HNRNPD: variants seen among roughly 807,000 people sequenced by gnomAD.
HNRNPD encodes heterogeneous nuclear ribonucleoprotein D, also known as heterogeneous nuclear ribonucleoprotein D0.
In HNRNPD, 3 loss-of-function variants were observed where a neutral mutation model predicts 47.9. The observed-to-expected ratio is 0.06, with a 90% confidence interval of 0.03 to 0.16. The LOEUF is 0.16. HNRNPD is among the 10% of genes least tolerant of loss of function. The probability of loss-of-function intolerance (pLI) is 1.00; values close to 1 mark genes in which losing one functional copy is unlikely to be tolerated. For missense variants in HNRNPD, 287 were observed against 454.2 expected (o/e 0.63, Z 3.35); for synonymous variants, 171 against 165.1 (o/e 1.04, Z -0.28).
chr4:82,355,541 T>C (rs1723679356), intron 7 of HNRNPD, 140 bp from the exon 8 acceptor site: 1 of 641,014 alleles, frequency 1.6e-6, no homozygotes, highest in Middle Eastern at 3.9e-4. Flanking sequence ...AGCAATCATT[T>C]ATCAAATAAT....
At chr4:82,362,373 G>A (rs1043392988) in intron 2 of HNRNPD, among the ~76,000 whole-genome samples, 28 of 152,190 alleles carry the variant, frequency 1.8e-4, no homozygotes, top group African/African-American at 6.7e-4. Context: ...GCACCTAAGT[G>A]GCTCGTCTTT....
intron 2 of HNRNPD, among the ~76,000 whole-genome samples, chr4:82,361,390 A>T (rs28504223): frequency 0.3 from 45,907 of 152,052 alleles, 8,052 homozygotes; most frequent in African/African-American, 0.49. Flanking sequence ...TGCTAAGATG[A>T]CCATAAGTTC....
chr4:82,368,179 A>C (rs966429921), intron 2 of HNRNPD, among the ~76,000 whole-genome samples: 5 of 152,204 alleles, frequency 3.3e-5, no homozygotes, highest in African/African-American at 1.2e-4. Flanking sequence ...AAATGCTTTC[A>C]AGCATGGTAT....
Position 82,372,035 on chromosome 4 carries a change from T to C in HNRNPD, c.234-451A>G, listed in dbSNP as rs1720070456. On this transcript the variant is annotated intron_variant, in intron 1 of 8. Coordinates refer to ENST00000313899, the MANE Select transcript of HNRNPD (RefSeq NM_031370.3). ...TCCAAAGTGCTTCTCCCCTCCCAAC[T>C]TTCCCTCCAAATCCTGGGCTCTTTC... Among the ~76,000 whole-genome samples, 3 of 152,084 alleles carry C rather than the reference T, an allele frequency of 2.0e-5. 1 individual carries two copies. In the South Asian group the frequency reaches 6.2e-4, roughly 32 times the overall value.
chr4:82,370,377 C>CA (rs763060621), intron 2 of HNRNPD, among the ~76,000 whole-genome samples: 2 of 152,180 alleles, frequency 1.3e-5, no homozygotes, highest in Non-Finnish European at 2.9e-5. Flanking sequence ...GAAACAATTA[C>CA]ATGAGACTCA....
intron 2 of HNRNPD, among the ~76,000 whole-genome samples, chr4:82,370,315 G>A (rs542743766): frequency 5.9e-5 from 9 of 152,270 alleles, no homozygotes; most frequent in Admixed American, 2.0e-4. Flanking sequence ...TTACTTCGAA[G>A]AGTCAAAACA....
chr4:82,373,315 G>A (rs1412637414), intron 1 of HNRNPD, 131 bp downstream of exon 1: 3 of 1,222,758 alleles, frequency 2.5e-6, no homozygotes, highest in East Asian at 2.6e-5. Context: ...GAAAAAGGGA[G>A]ACCAGTGCAA....
In HNRNPD at chr4:82,373,458, T is replaced by C; in HGVS notation, c.221A>G (p.Glu74Gly). The C allele has an allele frequency of 6.4e-7, 1 of 1,572,042 alleles. No homozygotes were observed. The highest frequency in any genetic ancestry group is 8.6e-7 in the Non-Finnish European group (1 of 1,157,352). Reference protein sequence around the residue: ...EGAKIDASKNEEDEGHSNSSP... With the variant: ...EGAKIDASKNGEDEGHSNSSP... ...GCCCCTTACTCACCCTTCATCCTCC[T>C]CGTTCTTACTGGCGTCAATCTTCGC... is the stretch of plus-strand genomic sequence containing the variant. The change falls in exon 1 of 9, where the codon GAG becomes GGG. Residue 74 changes from glutamate to glycine, a missense_variant. Coordinates refer to ENST00000313899, the MANE Select transcript of HNRNPD (RefSeq NM_031370.3).
chr4:82,371,409 T>C (rs940044236), intron 2 of HNRNPD, 119 bp downstream of exon 2: 1 of 720,220 alleles, frequency 1.4e-6, no homozygotes, highest in Non-Finnish European at 2.3e-6. Context: ...ACAAACCTAC[T>C]GTATGTACTA....
At chr4:82,356,292 T>C in intron 7 of HNRNPD, 1 of 401,238 alleles carries the variant, frequency 2.5e-6, no homozygotes, top group Non-Finnish European at 4.4e-6. Flanking sequence ...TTAAAATTTT[T>C]AAATCCAAGT....
Position 82,373,888 on chromosome 4 carries a change from C to A in HNRNPD, c.-210G>T. ...TCCCACTCTCGCGCGGCGCACACTC[C>A]CGCTCTCTCCCGCTGCACTAAAAAA... On this transcript the variant is annotated 5_prime_UTR_variant, in exon 1 of 9. Coordinates refer to ENST00000313899, the MANE Select transcript of HNRNPD (RefSeq NM_031370.3). 1 of 1,122,104 alleles carries A rather than the reference C, an allele frequency of 8.9e-7. No individual in the cohort carries two copies. Among genetic ancestry groups the A allele is most frequent in the Non-Finnish European group, 1.2e-6 (1 of 830,560 alleles). The allele number at this position is 1,122,104 out of a possible 1,614,324, so 69.5% of individuals were successfully genotyped here.
intron 2 of HNRNPD, among the ~76,000 whole-genome samples, chr4:82,366,762 T>C (rs1719780089): frequency 6.6e-6 from 1 of 151,780 alleles, no homozygotes; most frequent in East Asian, 1.9e-4. Context: ...GGTTTCGCCA[T>C]GTTGGCCAGG....
chr4:82,357,503 A>C (rs983901541), intron 4 of HNRNPD, 59 bp from the exon 5 acceptor site: 2 of 1,464,864 alleles, frequency 1.4e-6, no homozygotes, highest in Non-Finnish European at 1.8e-6. Flanking sequence ...CTTAAAAGAA[A>C]CACAAGTTTA....
intron 4 of HNRNPD, chr4:82,357,973 C>T (rs1723794026): frequency 6.6e-6 from 1 of 152,274 alleles, no homozygotes. Context: ...AAATCCTCAA[C>T]ACTAAAAAAG....
chr4:82,364,559 TAAAAGG>T (rs1304363245), intron 2 of HNRNPD, among the ~76,000 whole-genome samples: 8 of 152,290 alleles, frequency 5.3e-5, no homozygotes. Flanking sequence ...TTTCCAACAT[TAAAAGG>T]AAAAGGCCAC....
chr4:82,361,164 TA>T (rs1361995022), intron 2 of HNRNPD, among the ~76,000 whole-genome samples: 1 of 152,234 alleles, frequency 6.6e-6, no homozygotes, highest in African/African-American at 2.4e-5. Flanking sequence ...AAATTTGAGT[TA>T]TTTTCTCAAT....
In HNRNPD at chr4:82,367,250, G is replaced by A. The variant is rs1394616629; in HGVS notation, c.290+4278C>T. On this transcript the variant is annotated intron_variant, in intron 2 of 8. Coordinates refer to ENST00000313899, the MANE Select transcript of HNRNPD (RefSeq NM_031370.3). ...TCTTGTATGTTTACGTTTTAAATAA[G>A]CTCTCAATCAGCTTTGTAAGGTAAA... Among the ~76,000 whole-genome samples, 3 of 151,930 alleles carry A rather than the reference G, an allele frequency of 2.0e-5. No homozygotes were observed. The East Asian group carries it at 5.8e-4, about 29-fold the overall frequency.
chr4:82,357,489 T>C, intron 4 of HNRNPD, 45 bp from the exon 5 acceptor site: 1 of 1,541,638 alleles, frequency 6.5e-7, no homozygotes, highest in African/African-American at 1.4e-5. Context: ...TGCATTTTAT[T>C]GACCTTAAAA....
At chr4:82,371,723 T>C in intron 1 of HNRNPD, 139 bp from the exon 2 acceptor site, 2 of 604,376 alleles carry the variant, frequency 3.3e-6, no homozygotes, top group Non-Finnish European at 5.9e-6. Flanking sequence ...ATTTGAATTA[T>C]CAGGGCTAAC....
Sources: gnomAD v4.1 joint callset for allele counts (sites outside exome capture counted in the v4.1 genomes callset) on GRCh38, gnomAD v4.1.1 for gene constraint, MANE v1.5 for transcripts, NCBI Gene and HGNC (gene_info 2026-07-23, HGNC 2026-07-21) for gene names.